Variants in TCERG1L observed in about 807,000 individuals in gnomAD.
TCERG1L encodes the protein transcription elongation regulator 1 like.
Under a neutral mutation model 56.3 loss-of-function variants are expected in TCERG1L, and 37 were observed. That is an observed-to-expected ratio of 0.66 (90% CI 0.51 to 0.87). TCERG1L has a LOEUF of 0.87. TCERG1L is among the 40% of genes least tolerant of loss of function. The pLI is 0.00. For missense variants in TCERG1L, 799 were observed against 774.2 expected (o/e 1.03, Z -0.38); for synonymous variants, 324 against 326.3 (o/e 0.99, Z 0.08).
chr10:131,289,734 CTG>C lies in TCERG1L; in HGVS notation c.670+18475_670+18476del, dbSNP rs1195219780. On this transcript the variant is annotated intron_variant, in intron 3 of 11. Transcript: ENST00000368642. The stretch of plus-strand genomic sequence containing the variant: ...TCAATGTGAGTGTACGTGTGCACTG[CTG>C]TGTGTGAGCAGGTGTGCACTGCCTC... 4.4e-5 allele frequency among the ~76,000 whole-genome samples: 2 copies of C among 44,962 alleles called. 1 individual carries two copies. The highest frequency in any genetic ancestry group is 1.1e-4 in the Non-Finnish European group (2 of 18,248). The allele number at this position is 44,962 out of a possible 152,430, so 29.5% of individuals were successfully genotyped here.
chr10:131,290,567 G>A (rs190689568), intron 3 of TCERG1L, among the ~76,000 whole-genome samples: 1 of 150,134 alleles, frequency 6.7e-6, no homozygotes, highest in African/African-American at 2.5e-5. Flanking sequence ...CGAGGCGGAG[G>A]TTGCAGTGAG....
chr10:131,148,381 C>G lies in TCERG1L; in HGVS notation c.1035-1721G>C, dbSNP rs369757508. Among the ~76,000 whole-genome samples the G allele has an allele frequency of 2.1e-4, 32 of 149,626 alleles. No individual in the cohort carries two copies. The East Asian group carries it at 4.2e-3, about 20-fold the overall frequency. ...ACACACATGCACACAGACATAGAGA[C>G]ACACACATAAACACACAGATATACA... On this transcript the variant is annotated intron_variant, in intron 6 of 11. Coordinates refer to ENST00000368642, the MANE Select transcript of TCERG1L (RefSeq NM_174937.4).
chr10:131,244,334 C>A (rs529769130), intron 4 of TCERG1L, among the ~76,000 whole-genome samples: 55 of 152,268 alleles, frequency 3.6e-4, no homozygotes, highest in Admixed American at 1.4e-3. Context: ...CCACATGGAA[C>A]AGGCACGTGC....
chr10:131,179,482 G>A (rs1252662823), intron 4 of TCERG1L, among the ~76,000 whole-genome samples: 5 of 152,098 alleles, frequency 3.3e-5, no homozygotes, highest in South Asian at 2.1e-4. Context: ...GCCCTCCCTC[G>A]GTGATCACCG....
At chr10:131,264,658 C>A (rs758456256) in intron 3 of TCERG1L, among the ~76,000 whole-genome samples, 20 of 152,180 alleles carry the variant, frequency 1.3e-4, no homozygotes, top group Admixed American at 3.9e-4. Flanking sequence ...CACATCTGCA[C>A]CCCTATCTTG....
At chr10:131,274,619 A>G (rs1846374161) in intron 3 of TCERG1L, among the ~76,000 whole-genome samples, 1 of 152,136 alleles carries the variant, frequency 6.6e-6, no homozygotes, top group Non-Finnish European at 1.5e-5. Context: ...CAGCTCCCCC[A>G]GCGCGAGGCA....
At chr10:131,228,933 CCGGAGTCTCCCCTCCAG>C (rs1845821783) in intron 4 of TCERG1L, among the ~76,000 whole-genome samples, 1 of 121,724 alleles carries the variant, frequency 8.2e-6, no homozygotes, top group Non-Finnish European at 1.7e-5. Flanking sequence ...CTCAAGGCCT[CCGGAGTCTCCCCTCCAG>C]ACAGGCATTT....
chr10:131,245,306 C>T (rs894623479), intron 4 of TCERG1L, among the ~76,000 whole-genome samples: 9 of 152,292 alleles, frequency 5.9e-5, no homozygotes, highest in African/African-American at 1.7e-4. Flanking sequence ...CACCAGGCAG[C>T]GTGGCCAGGC....
At chr10:131,191,864 CAAAAAAAAAA>C (rs59816491) in intron 4 of TCERG1L, among the ~76,000 whole-genome samples, 3 of 28,704 alleles carry the variant, frequency 1.0e-4, no homozygotes, top group South Asian at 2.3e-3. Flanking sequence ...GACTCCGTCT[CAAAAAAAAAA>C]AAAAAAAAAA....
intron 3 of TCERG1L, among the ~76,000 whole-genome samples, chr10:131,285,584 A>G (rs1318929852): frequency 2.9e-5 from 4 of 135,844 alleles, no homozygotes; most frequent in South Asian, 2.1e-4. Context: ...AAGAAAGAAA[A>G]AAAATGAGAT....
intron 4 of TCERG1L, among the ~76,000 whole-genome samples, chr10:131,182,016 A>G (rs1441039988): frequency 2.0e-5 from 3 of 152,110 alleles, no homozygotes; most frequent in African/African-American, 4.8e-5. Context: ...CACCGTGTGT[A>G]TGTGTGTGTA....
intron 4 of TCERG1L, among the ~76,000 whole-genome samples, chr10:131,224,578 G>T (rs1422815702): frequency 6.6e-6 from 1 of 152,202 alleles, no homozygotes; most frequent in Non-Finnish European, 1.5e-5. Context: ...AGTCACAACT[G>T]ATGGCATGTC....
At chr10:131,197,848 C>T (rs1845383586) in intron 4 of TCERG1L, among the ~76,000 whole-genome samples, 1 of 152,200 alleles carries the variant, frequency 6.6e-6, no homozygotes, top group Admixed American at 6.5e-5. Context: ...CAACTGCAAA[C>T]ATCACATAAT....
At chr10:131,207,081 G>A (rs2133483294) in intron 4 of TCERG1L, among the ~76,000 whole-genome samples, 1 of 152,304 alleles carries the variant, frequency 6.6e-6, no homozygotes, top group African/African-American at 2.4e-5. Flanking sequence ...GAGCGTCGGA[G>A]TGGGCGCAAC....
In TCERG1L at chr10:131,260,225, A is replaced by G; in HGVS notation, c.856+34T>C. 7.4e-7 allele frequency: 1 copy of G among 1,343,480 alleles called. No individual in the cohort carries two copies. Among genetic ancestry groups the G allele is most frequent in the Non-Finnish European group, 9.6e-7 (1 of 1,043,732 alleles). 83.2% of individuals were successfully genotyped at this position (1,343,480 alleles called of 1,614,324 possible). On this transcript the variant is annotated intron_variant, in intron 4 of 11. Coordinates refer to ENST00000368642, the MANE Select transcript of TCERG1L (RefSeq NM_174937.4). This position sits in a 1 kb window ranked among gnomAD's most constrained non-coding sequence, Gnocchi z 5.8. ...GAAGCCTCCGCGCGCTCGCTAAGGC[A>G]GCACCAGGCGTCGGGACGGCGCTCC...
intron 9 of TCERG1L, among the ~76,000 whole-genome samples, chr10:131,106,524 C>G (rs1564792585): frequency 6.6e-6 from 1 of 152,186 alleles, no homozygotes; most frequent in Non-Finnish European, 1.5e-5. Flanking sequence ...AGAGGTTGAA[C>G]ATGCCTGGGG....
intron 8 of TCERG1L, among the ~76,000 whole-genome samples, chr10:131,122,516 G>C (rs1048721168): frequency 2.0e-5 from 3 of 152,200 alleles, no homozygotes; most frequent in Non-Finnish European, 4.4e-5. Flanking sequence ...GATTGCGCTG[G>C]TTGGTGAACA....
chr10:131,093,016 T>A lies in TCERG1L; in HGVS notation c.*146A>T, dbSNP rs1346239758. The A allele has an allele frequency of 2.9e-6, 2 of 698,500 alleles. No individual in the cohort carries two copies. Among genetic ancestry groups the A allele is most frequent in the African/African-American group, 1.8e-5 (1 of 55,886 alleles). The allele number at this position is 698,500 out of a possible 1,614,324, so 43.3% of individuals were successfully genotyped here. On this transcript the variant is annotated 3_prime_UTR_variant, in exon 12 of 12. Transcript: ENST00000368642. ...GAGCTTCAATATGAAACAGTAATCC[T>A]CTGAGAACGAAGACCCCGCAGTGCC... is the stretch of plus-strand genomic sequence containing the variant.
intron 3 of TCERG1L, among the ~76,000 whole-genome samples, chr10:131,282,414 C>G (rs76243038): frequency 0.074 from 11,272 of 152,092 alleles, 528 homozygotes; most frequent in African/African-American, 0.12. Flanking sequence ...GTAGTGGTTG[C>G]TGATACCAAA....
Sources: allele counts gnomAD v4.1 joint callset (sites outside exome capture counted in the v4.1 genomes callset), GRCh38; gene constraint gnomAD v4.1.1; non-coding constraint Gnocchi (gnomAD v3.1); transcripts MANE v1.5; gene names NCBI Gene and HGNC (gene_info 2026-07-23, HGNC 2026-07-21).